The following FGF14 variants were observed in gnomAD, a reference collection of about 807,000 sequenced individuals.
FGF14 encodes fibroblast growth factor 14, also known as fibroblast growth factor homologous factor 4.
FGF14 carries 5 observed loss-of-function variants against 25.5 expected under a neutral mutation model. That is an observed-to-expected ratio of 0.20 (90% confidence interval 0.10 to 0.41). The LOEUF is 0.41. Among genes scored for constraint, FGF14 ranks in the 10% least tolerant of loss-of-function variants. The probability of loss-of-function intolerance (pLI) is 1.00; values close to 1 mark genes in which losing one functional copy is unlikely to be tolerated. For synonymous variants in FGF14, 138 were observed against 118.3 expected (o/e 1.17, Z -1.08); for missense variants, 222 against 320.1 (o/e 0.69, Z 2.34).
chr13:101,811,132 T>C (rs1352265699), intron 3 of FGF14, among the ~76,000 whole-genome samples: 8 of 145,592 alleles, frequency 5.5e-5, no homozygotes, highest in Middle Eastern at 3.8e-3. Context: ...CCAAAGTCTA[T>C]CCCTTACATT....
At chr13:102,255,376 A>G (rs922656940) in intron 1 of FGF14, among the ~76,000 whole-genome samples, 6 of 152,226 alleles carry the variant, frequency 3.9e-5, no homozygotes, top group Admixed American at 3.3e-4. Flanking sequence ...TTTTTACCCA[A>G]AGAAATAACA....
intron 1 of FGF14, among the ~76,000 whole-genome samples, chr13:102,146,317 T>C (rs1283630626): frequency 6.6e-6 from 1 of 151,754 alleles, no homozygotes; most frequent in Admixed American, 6.6e-5. Context: ...ACAAATTATT[T>C]TGTGGGATGA....
At chr13:102,273,181 T>A (rs746933459) in intron 1 of FGF14, among the ~76,000 whole-genome samples, 2 of 152,196 alleles carry the variant, frequency 1.3e-5, no homozygotes, top group Non-Finnish European at 2.9e-5. Flanking sequence ...GGACATATGG[T>A]GTGGTTCAAG....
chr13:101,858,436 G>C (rs1464023257), intron 3 of FGF14, among the ~76,000 whole-genome samples: 2 of 151,900 alleles, frequency 1.3e-5, no homozygotes, highest in Admixed American at 1.3e-4. Flanking sequence ...TGGCATTTAC[G>C]TAATTTGTTG....
chr13:102,269,382 G>A (rs1414245008), intron 1 of FGF14, among the ~76,000 whole-genome samples: 1 of 152,078 alleles, frequency 6.6e-6, no homozygotes, highest in African/African-American at 2.4e-5. Flanking sequence ...TTAATTTTAG[G>A]TGAGCTATTA....
chr13:101,820,918 A>G (rs1374349249), intron 3 of FGF14, among the ~76,000 whole-genome samples: 1 of 150,790 alleles, frequency 6.6e-6, no homozygotes, highest in Non-Finnish European at 1.5e-5. Context: ...AGAGGTAACT[A>G]CTATTCTGAC....
At chr13:102,013,856 G>A (rs934684687) in intron 1 of FGF14, among the ~76,000 whole-genome samples, 4 of 152,094 alleles carry the variant, frequency 2.6e-5, no homozygotes, top group African/African-American at 7.2e-5. Context: ...GTGGAGAGAT[G>A]ACAGGACTTG....
At chr13:102,149,174 TATC>T (rs776252809) in intron 1 of FGF14, among the ~76,000 whole-genome samples, 18 of 151,966 alleles carry the variant, frequency 1.2e-4, no homozygotes, top group East Asian at 7.7e-4. Context: ...ATTAAAATAA[TATC>T]ATTATTTTAA....
chr13:102,010,464 T>C (rs1407353446), intron 1 of FGF14, among the ~76,000 whole-genome samples: 1 of 152,042 alleles, frequency 6.6e-6, no homozygotes, highest in Non-Finnish European at 1.5e-5. Context: ...CAGAATCGGA[T>C]TCCTGTTCTA....
At chr13:102,269,161 A>G (rs2053131589) in intron 1 of FGF14, among the ~76,000 whole-genome samples, 1 of 152,240 alleles carries the variant, frequency 6.6e-6, no homozygotes, top group Non-Finnish European at 1.5e-5. Flanking sequence ...GTTCATCAGG[A>G]AAACCAAAAG....
intron 1 of FGF14, among the ~76,000 whole-genome samples, chr13:102,175,377 C>T (rs1402999717): frequency 6.6e-6 from 1 of 152,018 alleles, no homozygotes; most frequent in African/African-American, 2.4e-5. Flanking sequence ...GCTGGGAAAA[C>T]TAGCTAGCTA....
intron 1 of FGF14, among the ~76,000 whole-genome samples, chr13:102,060,025 A>C (rs1287407424): frequency 6.6e-6 from 1 of 152,180 alleles, no homozygotes; most frequent in Non-Finnish European, 1.5e-5. Context: ...ATGTTCCAAA[A>C]TTCCAAACTT....
chr13:101,904,069 C>G (rs965785271), intron 1 of FGF14, among the ~76,000 whole-genome samples: 3 of 152,294 alleles, frequency 2.0e-5, no homozygotes, highest in Admixed American at 6.5e-5. Context: ...CTCTACACAG[C>G]GTGCAAAAGA....
At chr13:102,382,932 C>A (rs1279238661) in intron 1 of FGF14, among the ~76,000 whole-genome samples, 1 of 151,836 alleles carries the variant, frequency 6.6e-6, no homozygotes, top group South Asian at 2.1e-4. Flanking sequence ...TCAGTGGTTG[C>A]CAGGGGATAG....
rs1374901424 is a variant in FGF14 at position 102,178,798 on chromosome 13, GA to G, written c.208+222672del. Among the ~76,000 whole-genome samples, 4 of 152,050 alleles carry G rather than the reference GA, an allele frequency of 2.6e-5. No homozygotes were observed. In the East Asian group the frequency reaches 7.7e-4, roughly 29 times the overall value. On this transcript the variant is annotated intron_variant, in intron 1 of 4. Coordinates refer to the FGF14 transcript ENST00000376131. The stretch of plus-strand genomic sequence containing the variant: ...TAAATACATCTCACAAAAGTTGTGA[GA>G]TATATATATGTGTGTGTGTATATAT...
intron 3 of FGF14, among the ~76,000 whole-genome samples, chr13:101,814,894 A>G (rs768786513): frequency 6.6e-6 from 1 of 152,216 alleles, no homozygotes; most frequent in Non-Finnish European, 1.5e-5. Flanking sequence ...GATAGTTTTG[A>G]AAAGTATTAA....
chr13:101,722,823 G>A lies in FGF14; in HGVS notation c.*8C>T. 6.2e-7 allele frequency: 1 copy of A among 1,613,112 alleles called. No homozygotes were observed. Among genetic ancestry groups the A allele is most frequent in the Middle Eastern group, 1.7e-4 (1 of 6,056 alleles). On this transcript the variant is annotated 3_prime_UTR_variant, in exon 5 of 5. Coordinates refer to ENST00000376143, the MANE Select transcript of FGF14 (RefSeq NM_004115.4). ...GACGAATAAGTCACAACACCTGTGA[G>A]GATCTGGCTATGTTGTCTTACTCTT...
At chr13:102,197,151 C>A (rs758395305) in intron 1 of FGF14, among the ~76,000 whole-genome samples, 1 of 152,126 alleles carries the variant, frequency 6.6e-6, no homozygotes, top group Non-Finnish European at 1.5e-5. Flanking sequence ...ATGTACAAAT[C>A]AACCACATTT....
chr13:101,714,951 AG>A lies in FGF14; in HGVS notation c.*7879del, dbSNP rs763102671. 4.5e-4 allele frequency: 89 copies of A among 198,562 alleles called. 1 individual carries two copies. The South Asian group carries it at 5.0e-3, about 11-fold the overall frequency. 12.3% of individuals were successfully genotyped at this position (198,562 alleles called of 1,614,324 possible). A position where few individuals can be genotyped will look rare whatever the true frequency, so the allele number is the denominator to read the frequency against. ...ACTAGTTGATGTGTTGGTTGCTTTT[AG>A]GGAACTGGATGTGTGTATGGGGGAG... On this transcript the variant is annotated 3_prime_UTR_variant, in exon 5 of 5. Transcript: ENST00000376143.
Sources: allele counts gnomAD v4.1 joint callset (sites outside exome capture counted in the v4.1 genomes callset), GRCh38; gene constraint gnomAD v4.1.1; transcripts MANE v1.5; gene names NCBI Gene and HGNC (gene_info 2026-07-23, HGNC 2026-07-21).